Variants in TSPEAR observed in about 807,000 individuals in gnomAD.
The protein encoded by TSPEAR is thrombospondin type laminin G domain and EAR repeats, also known as thrombospondin-type laminin G domain and EAR repeat-containing protein.
TSPEAR carries 69 observed loss-of-function variants against 71.6 expected under a neutral mutation model. The observed-to-expected ratio is 0.96, with a 90% CI of 0.79 to 1.18. The LOEUF (loss-of-function observed/expected upper bound fraction) is 1.18, where lower values mean the gene tolerates loss of function less well. Ranked by LOEUF, TSPEAR falls within the 50% of genes most tolerant of loss-of-function variation. The pLI is 0.00. For missense variants in TSPEAR, 971 were observed against 894.9 expected, an observed-to-expected ratio of 1.09 and a Z score of -1.09; for synonymous variants, 402 against 387.2, an observed-to-expected ratio of 1.04 and a Z score of -0.45.
chr21:44,568,895 G>A lies in TSPEAR; in HGVS notation c.83-890C>T, dbSNP rs145719403. Among the ~76,000 whole-genome samples, 465 of 152,304 alleles carry A rather than the reference G, an allele frequency of 3.1e-3. 2 individuals are homozygous for A. Among genetic ancestry groups the A allele is most frequent in the Admixed American group, 6.3e-3 (96 of 15,302 alleles). On this transcript the variant is annotated intron_variant, in intron 1 of 11. Coordinates refer to ENST00000323084, the MANE Select transcript of TSPEAR (RefSeq NM_144991.3). ...GAGGGTGTTGGGTCAGTCCACTCTG[G>A]CACCCTCTAGGGTTCATCTTCCCCC...
chr21:44,501,766 C>A (rs1162589956), intron 11 of TSPEAR, among the ~76,000 whole-genome samples: 1 of 151,918 alleles, frequency 6.6e-6, no homozygotes, highest in Middle Eastern at 3.2e-3. Context: ...CCCTGTCCCC[C>A]CCAAAAAATA....
chr21:44,522,174 G>T, intron 8 of TSPEAR, 62 bp from the exon 9 acceptor site: 1 of 1,511,236 alleles, frequency 6.6e-7, no homozygotes, highest in Non-Finnish European at 9.2e-7. Context: ...TGGCAGCCCC[G>T]ACGGAGGCAG....
At position 44,612,592 on chromosome 21, in the gene TSPEAR, C is replaced by G. The variant is rs782157754; in HGVS notation, c.83-44587G>C. ...GCACCTTCTCCCCATGCCAACAGGC[C>G]TGCTGTGTGCCCATCTGCTGCAAGC... On this transcript the variant is annotated intron_variant, in intron 1 of 11. Coordinates refer to ENST00000323084, the MANE Select transcript of TSPEAR (RefSeq NM_144991.3). The surrounding 1 kb of genome is among the most constrained non-coding windows in gnomAD (Gnocchi z 4.1). The G allele has an allele frequency of 6.2e-7, 1 of 1,614,154 alleles. No individual in the cohort carries two copies. Among genetic ancestry groups the G allele is most frequent in the Non-Finnish European group, 8.5e-7 (1 of 1,180,026 alleles).
At chr21:44,543,649 A>G (rs2053257011) in intron 2 of TSPEAR, among the ~76,000 whole-genome samples, 1 of 152,232 alleles carries the variant, frequency 6.6e-6, no homozygotes, top group African/African-American at 2.4e-5. Flanking sequence ...TCAGACATAC[A>G]CACAAAGGGA....
At chr21:44,592,924 G>A (rs1282583463) in intron 1 of TSPEAR, among the ~76,000 whole-genome samples, 2 of 152,184 alleles carry the variant, frequency 1.3e-5, no homozygotes, top group African/African-American at 4.8e-5. Context: ...CATCTTCTGA[G>A]GGACAACCTG....
chr21:44,612,177 A>T lies in TSPEAR; in HGVS notation c.83-44172T>A, dbSNP rs411254. The T allele has an allele frequency of 3.4e-5, 55 of 1,613,852 alleles. No individual in the cohort carries two copies. Among genetic ancestry groups the T allele is most frequent in the Non-Finnish European group, 4.4e-5 (52 of 1,180,016 alleles). ...TCTGTCTGCTCCAGTGACGTGGGCCATGTCAGCCGAGTCTCCTCCCCCAGC... is the reference window on the plus strand; with the variant it reads ...TCTGTCTGCTCCAGTGACGTGGGCCTTGTCAGCCGAGTCTCCTCCCCCAGC... On this transcript the variant is annotated intron_variant, in intron 1 of 11. Coordinates refer to ENST00000323084, the MANE Select transcript of TSPEAR (RefSeq NM_144991.3). The surrounding 1 kb of genome is among the most constrained non-coding windows in gnomAD (Gnocchi z 4.1).
chr21:44,576,265 C>T (rs1386580944), intron 1 of TSPEAR, among the ~76,000 whole-genome samples: 5 of 147,856 alleles, frequency 3.4e-5, no homozygotes, highest in African/African-American at 1.1e-4. Context: ...GAAGGGAGTG[C>T]ATAACTCATG....
At chr21:44,502,053 A>G (rs1231963208) in intron 11 of TSPEAR, among the ~76,000 whole-genome samples, 4 of 152,270 alleles carry the variant, frequency 2.6e-5, no homozygotes, top group Non-Finnish European at 5.9e-5. Flanking sequence ...GGCTTATTCA[A>G]TAATTCTGCA....
chr21:44,672,997 T>C (rs1555946292), intron 1 of TSPEAR, among the ~76,000 whole-genome samples: 1 of 152,216 alleles, frequency 6.6e-6, no homozygotes, highest in Non-Finnish European at 1.5e-5. Flanking sequence ...CTTTTCTTTA[T>C]AAATTACCCA....
At position 44,685,926 on chromosome 21, in the gene TSPEAR, A is replaced by G. The variant is rs1401045193; in HGVS notation, c.82+25507T>C. Among the ~76,000 whole-genome samples, 6 of 152,270 alleles carry G rather than the reference A, an allele frequency of 3.9e-5. No individual in the cohort carries two copies. In the East Asian group the frequency reaches 5.8e-4, roughly 15 times the overall value. On this transcript the variant is annotated intron_variant, in intron 1 of 11. Transcript: ENST00000323084. ...GGCAAAGATCAATGAGATAATCACA[A>G]CCTGGCACAGTGTTAGACCTCTGTG...
chr21:44,592,402 C>T (rs782320164), intron 1 of TSPEAR: 15 of 1,599,332 alleles, frequency 9.4e-6, no homozygotes, highest in Middle Eastern at 1.7e-4. Flanking sequence ...GGAGTCGGAG[C>T]AAGAGTCACA....
chr21:44,639,403 C>G (rs2146225011), intron 1 of TSPEAR, among the ~76,000 whole-genome samples: 1 of 152,346 alleles, frequency 6.6e-6, no homozygotes, highest in South Asian at 2.1e-4. Context: ...CCAGGACCTC[C>G]CGGAGTCCCA....
intron 1 of TSPEAR, among the ~76,000 whole-genome samples, chr21:44,609,673 A>C (rs1981534576): frequency 6.6e-6 from 1 of 152,248 alleles, no homozygotes; most frequent in South Asian, 2.1e-4. Flanking sequence ...TGAATGAGTC[A>C]GAGTTTGGGG....
intron 1 of TSPEAR, among the ~76,000 whole-genome samples, chr21:44,625,827 T>G (rs1555934203): frequency 6.6e-6 from 1 of 150,884 alleles, no homozygotes; most frequent in African/African-American, 2.4e-5. Context: ...GCCTCTTCAG[T>G]GAGGACCCAC....
At chr21:44,513,488 C>T (rs1486013656) in intron 9 of TSPEAR, among the ~76,000 whole-genome samples, 6 of 152,234 alleles carry the variant, frequency 3.9e-5, no homozygotes, top group African/African-American at 1.4e-4. Context: ...GACCAGGCAC[C>T]TGCTGGGCTG....
intron 10 of TSPEAR, 145 bp downstream of exon 10, chr21:44,509,054 G>T: frequency 7.4e-7 from 1 of 1,346,652 alleles, no homozygotes. Context: ...TCCACAGGAA[G>T]GTCCCCAGGC....
intron 1 of TSPEAR, among the ~76,000 whole-genome samples, chr21:44,598,131 A>G (rs1569210238): frequency 6.6e-6 from 1 of 152,032 alleles, no homozygotes; most frequent in Non-Finnish European, 1.5e-5. Context: ...GCATGCCGCA[A>G]CATCACTAGC....
chr21:44,668,295 C>T (rs145217374), intron 1 of TSPEAR, among the ~76,000 whole-genome samples: 1 of 152,094 alleles, frequency 6.6e-6, no homozygotes, highest in Non-Finnish European at 1.5e-5. Context: ...ATAACAATTC[C>T]ATTTACAATA....
At chr21:44,607,128 A>C (rs782013071) in intron 1 of TSPEAR, among the ~76,000 whole-genome samples, 3 of 152,152 alleles carry the variant, frequency 2.0e-5, no homozygotes, top group Non-Finnish European at 2.9e-5. Flanking sequence ...CTGTTGCCAG[A>C]CTGGAGTGCA....
Sources: gnomAD v4.1 joint callset for allele counts (sites outside exome capture counted in the v4.1 genomes callset) on GRCh38, gnomAD v4.1.1 for gene constraint, Gnocchi (gnomAD v3.1) non-coding constraint, MANE v1.5 for transcripts, NCBI Gene and HGNC (gene_info 2026-07-23, HGNC 2026-07-21) for gene names.